Variants in ABCA12 observed in about 807,000 individuals in gnomAD.
The protein encoded by ABCA12 is ATP binding cassette subfamily A member 12, also known as glucosylceramide transporter ABCA12.
Under a neutral mutation model 293.5 loss-of-function variants are expected in ABCA12, and 156 were observed. The observed-to-expected ratio is 0.53, with a 90% confidence interval of 0.47 to 0.61. ABCA12 has a LOEUF of 0.61. ABCA12 is among the 20% of genes least tolerant of loss of function. The pLI is 0.00. For synonymous variants in ABCA12, 1,063 were observed against 1,108.0 expected (o/e 0.96, Z 0.81); for missense variants, 2,797 against 3,090.2 (o/e 0.91, Z 2.25).
chr2:215,083,310 G>A (rs1701979074), intron 2 of ABCA12, among the ~76,000 whole-genome samples: 1 of 152,162 alleles, frequency 6.6e-6, no homozygotes, highest in African/African-American at 2.4e-5. Flanking sequence ...GAATGTGAAA[G>A]TTTATAAGGA....
chr2:215,108,667 G>T (rs920924827), intron 2 of ABCA12, among the ~76,000 whole-genome samples: 7 of 152,044 alleles, frequency 4.6e-5, no homozygotes, highest in South Asian at 2.1e-4. Flanking sequence ...TAATCTTTCA[G>T]CATAAAAGAC....
chr2:215,093,128 A>G (rs1702181434), intron 2 of ABCA12, among the ~76,000 whole-genome samples: 1 of 152,200 alleles, frequency 6.6e-6, no homozygotes, highest in Admixed American at 6.5e-5. Context: ...TCAAAGGGAT[A>G]TCGCATATCC....
chr2:215,059,542 T>A (rs1304954179), intron 3 of ABCA12, among the ~76,000 whole-genome samples: 4 of 152,022 alleles, frequency 2.6e-5, no homozygotes, highest in Non-Finnish European at 5.9e-5. Context: ...TGACTTAATA[T>A]GTTACTGTGT....
chr2:214,973,830 C>A, intron 36 of ABCA12, 119 bp downstream of exon 36: 1 of 842,466 alleles, frequency 1.2e-6, no homozygotes, highest in Non-Finnish European at 2.0e-6. Context: ...TATTTCTGAG[C>A]TACTAGCTTC....
At chr2:215,136,363 T>C (rs1039015846) in intron 1 of ABCA12, among the ~76,000 whole-genome samples, 4 of 152,172 alleles carry the variant, frequency 2.6e-5, no homozygotes. Flanking sequence ...TTGATATACC[T>C]ACTACTTTCA....
chr2:215,122,389 A>T (rs929257693), intron 1 of ABCA12, among the ~76,000 whole-genome samples: 1 of 152,232 alleles, frequency 6.6e-6, no homozygotes. Context: ...AGTTTATTTC[A>T]ATCTGATTTA....
intron 17 of ABCA12, among the ~76,000 whole-genome samples, chr2:215,010,936 C>T (rs1489095151): frequency 6.6e-6 from 1 of 152,176 alleles, no homozygotes; most frequent in Non-Finnish European, 1.5e-5. Flanking sequence ...TCACATTTTG[C>T]ATCTCCAAGT....
intron 1 of ABCA12, among the ~76,000 whole-genome samples, chr2:215,126,632 G>A (rs568708992): frequency 2.4e-4 from 37 of 152,214 alleles, no homozygotes; most frequent in African/African-American, 8.2e-4. Flanking sequence ...TATTTCAATG[G>A]TGTCAGTTGT....
In ABCA12 at chr2:214,986,703, G is replaced by A; in HGVS notation, c.4002C>T (p.Asn1334=). 6.2e-7 allele frequency: 1 copy of A among 1,614,104 alleles called. No homozygotes were observed. The highest frequency in any genetic ancestry group is 8.5e-7 in the Non-Finnish European group (1 of 1,179,972). Residue 1334 remains asparagine, a synonymous_variant, in exon 28 of 53, where the codon AAC becomes AAT. Transcript: ENST00000272895. ...SASPEYMFSS[N]IEPEPKDLTV... is the part of the protein sequence containing the mutation. ...TGAGATCTTTAGGTTCAGGCTCGATGTTAGAGGAAAACATGTATTCAGGAC... is the reference window on the plus strand; with the variant it reads ...TGAGATCTTTAGGTTCAGGCTCGATATTAGAGGAAAACATGTATTCAGGAC...
In ABCA12 at chr2:214,989,338, C is replaced by A; in HGVS notation, c.3820G>T (p.Val1274Phe). The A allele has an allele frequency of 6.2e-7, 1 of 1,613,134 alleles. No homozygotes were observed. The highest frequency in any genetic ancestry group is 8.5e-7 in the Non-Finnish European group (1 of 1,179,808). The change falls in exon 26 of 53, where the codon GTC becomes TTC. Residue 1274 changes from valine (V) to phenylalanine (F), a missense_variant. Val to Phe is a conservative substitution (Grantham distance 50, BLOSUM62 -1). Coordinates refer to ENST00000272895, the MANE Select transcript of ABCA12 (RefSeq NM_173076.3). ...GGAAGCACATTCATACCTGGGAAGA[C>A]ATTCCTGACATACCAAGCAATAAGG... ...YFLIAWYVRN[V>F]FPGTYGMAAP... is the part of the protein sequence containing the mutation.
At chr2:214,940,278 A>T (rs1698353652) in intron 50 of ABCA12, among the ~76,000 whole-genome samples, 2 of 152,108 alleles carry the variant, frequency 1.3e-5, no homozygotes, top group Admixed American at 1.3e-4. Context: ...ATTGATTTGC[A>T]TATGTTGAAC....
In ABCA12 at chr2:214,956,902, CTTATTTATG is replaced by C. The variant is rs1698968840; in HGVS notation, c.6118-133_6118-125del. ...CTAGAAAAATTTGAAGAAATGAATTCTTATTTATGTTCCCATTGCTTCTAACATTCAACT... is the reference window on the plus strand; with the variant it reads ...CTAGAAAAATTTGAAGAAATGAATTCTTCCCATTGCTTCTAACATTCAACT... On this transcript the variant is annotated intron_variant, in intron 41 of 52. Coordinates refer to ENST00000272895, the MANE Select transcript of ABCA12 (RefSeq NM_173076.3). 7 of 681,734 alleles carry C rather than the reference CTTATTTATG, an allele frequency of 1.0e-5. No individual in the cohort carries two copies. In the South Asian group the frequency reaches 1.1e-4, roughly 11 times the overall value. The allele number at this position is 681,734 out of a possible 1,614,324, so 42.2% of individuals were successfully genotyped here.
At chr2:214,960,913 A>G (rs1221416908) in intron 39 of ABCA12, among the ~76,000 whole-genome samples, 4 of 152,132 alleles carry the variant, frequency 2.6e-5, no homozygotes, top group African/African-American at 9.7e-5. Context: ...CATGAATAGA[A>G]TAGATATTGA....
intron 2 of ABCA12, among the ~76,000 whole-genome samples, chr2:215,079,379 A>G (rs1475103552): frequency 2.0e-5 from 3 of 152,150 alleles, no homozygotes; most frequent in Non-Finnish European, 4.4e-5. Context: ...AAGTGAGGGA[A>G]CCTTACTAAA....
intron 44 of ABCA12, among the ~76,000 whole-genome samples, chr2:214,952,712 T>C (rs944464376): frequency 6.6e-6 from 1 of 152,154 alleles, no homozygotes; most frequent in African/African-American, 2.4e-5. Flanking sequence ...TCAATGAATG[T>C]CCATTTGTTT....
intron 5 of ABCA12, among the ~76,000 whole-genome samples, chr2:215,050,247 G>A (rs767490292): frequency 3.3e-5 from 5 of 152,114 alleles, no homozygotes; most frequent in Non-Finnish European, 7.4e-5. Context: ...AAGGAGCTTC[G>A]AGGTCTATTC....
intron 44 of ABCA12, among the ~76,000 whole-genome samples, chr2:214,953,133 G>T (rs1698831610): frequency 6.6e-6 from 1 of 152,074 alleles, no homozygotes; most frequent in Non-Finnish European, 1.5e-5. Flanking sequence ...TCTGAACCTT[G>T]CATTTTTAAA....
intron 4 of ABCA12, 23 bp downstream of exon 4, chr2:215,054,550 C>T: frequency 6.3e-7 from 1 of 1,584,908 alleles, no homozygotes; most frequent in Non-Finnish European, 8.7e-7. Flanking sequence ...TTGTTCTGAA[C>T]TCTACAGAAG....
Position 214,955,213 on chromosome 2 carries a change from G to A in ABCA12, c.6382C>T (p.Pro2128Ser). 6.2e-7 allele frequency: 1 copy of A among 1,613,994 alleles called. No homozygotes were observed. Among genetic ancestry groups the A allele is most frequent in the African/African-American group, 1.3e-5 (1 of 74,992 alleles). ...ATAAGGGACCTTACCGGATCATTAG[G>A]CTTTTCCTTGGAAAGAAAGTATACC... ...SVVYFLSKEK[P>S]NDPTLELISE... is the part of the protein sequence containing the mutation. Residue 2128 changes from proline (P) to serine (S), a missense_variant, in exon 43 of 53, where the codon CCT becomes TCT. Pro to Ser is a moderately conservative substitution (Grantham distance 74). Around this residue, in one of 3 missense-constraint regions of ABCA12, gnomAD observed 2,130 missense variants for 2,427.0 expected, o/e 0.88. Transcript: ENST00000272895.
Sources: gnomAD v4.1 joint callset for allele counts (sites outside exome capture counted in the v4.1 genomes callset) on GRCh38, gnomAD v4.1.1 for gene constraint, gnomAD v4.1.1 regional missense constraint, MANE v1.5 for transcripts, NCBI Gene and HGNC (gene_info 2026-07-23, HGNC 2026-07-21) for gene names.